The following PRMT8 variants were observed in gnomAD, a reference collection of about 807,000 sequenced individuals.
The protein encoded by PRMT8 is protein arginine methyltransferase 8, also known as protein arginine N-methyltransferase 8.
A neutral mutation model predicts 47.1 loss-of-function variants in PRMT8; 7 were observed. That is an observed-to-expected ratio of 0.15 (90% CI 0.08 to 0.28). The LOEUF is 0.28. Ranked by LOEUF, PRMT8 falls within the 10% of genes least tolerant of loss-of-function variation. The pLI, the probability that PRMT8 is intolerant of heterozygous loss-of-function variation, is 1.00. For synonymous variants in PRMT8, 188 were observed against 186.5 expected (o/e 1.01, Z -0.07); for missense variants, 237 against 505.4 (o/e 0.47, Z 5.09).
chr12:3,498,452 C>T (rs912288221), intron 1 of PRMT8, among the ~76,000 whole-genome samples: 1 of 152,308 alleles, frequency 6.6e-6, no homozygotes, highest in South Asian at 2.1e-4. Context: ...TCCAGGACGT[C>T]TTTTCTTGCT....
chr12:3,444,731 A>C (rs1565409249), intron 1 of PRMT8, among the ~76,000 whole-genome samples: 1 of 152,242 alleles, frequency 6.6e-6, no homozygotes, highest in Non-Finnish European at 1.5e-5. Flanking sequence ...AGAGTCAAAC[A>C]AGGAGAAAAC....
intron 4 of PRMT8, among the ~76,000 whole-genome samples, chr12:3,565,589 G>A (rs1483181923): frequency 1.3e-5 from 2 of 152,120 alleles, no homozygotes; most frequent in African/African-American, 4.8e-5. Flanking sequence ...GACTGTTGAG[G>A]ATTTTATAGG....
intron 4 of PRMT8, among the ~76,000 whole-genome samples, chr12:3,562,701 A>T (rs1430601522): frequency 6.6e-6 from 1 of 152,142 alleles, no homozygotes; most frequent in Non-Finnish European, 1.5e-5. Flanking sequence ...GGAAGTATTT[A>T]CACCACGGAC....
At chr12:3,568,582 C>T in intron 4 of PRMT8, 124 bp from the exon 5 acceptor site, 1 of 1,073,356 alleles carries the variant, frequency 9.3e-7, no homozygotes, top group East Asian at 2.5e-5. Flanking sequence ...GGGTGAGCTA[C>T]ATCATATCCT....
At chr12:3,485,355 A>T (rs1288063138) in intron 1 of PRMT8, among the ~76,000 whole-genome samples, 1 of 152,214 alleles carries the variant, frequency 6.6e-6, no homozygotes, top group Non-Finnish European at 1.5e-5. Flanking sequence ...GGAAAGGGAA[A>T]GATAATTAGA....
intron 1 of PRMT8, among the ~76,000 whole-genome samples, chr12:3,459,067 G>A (rs184868901): frequency 1.6e-4 from 24 of 152,326 alleles, no homozygotes; most frequent in Non-Finnish European, 2.9e-4. Flanking sequence ...TGATGGTGGG[G>A]CAATGGTTCC....
At chr12:3,554,232 G>C (rs546763005) in intron 4 of PRMT8, among the ~76,000 whole-genome samples, 1 of 152,290 alleles carries the variant, frequency 6.6e-6, no homozygotes, top group East Asian at 1.9e-4. Context: ...TTATAGAGAG[G>C]GGCGTCCCTT....
rs1410907909 is a variant in PRMT8, at chr12:3,456,128, G to A, written c.48+74686G>A. ...TAGCCCAACTCCTGGCCATGAGCTAGGTGCTAAGAGTGCTTTTCTTCCTCA... is the reference window on the plus strand; with the variant it reads ...TAGCCCAACTCCTGGCCATGAGCTAAGTGCTAAGAGTGCTTTTCTTCCTCA... On this transcript the variant is annotated intron_variant, in intron 1 of 9. Transcript: ENST00000452611. The surrounding 1 kb of genome is among the most constrained non-coding windows in gnomAD (Gnocchi z 4.2). Among the ~76,000 whole-genome samples the A allele has an allele frequency of 6.6e-6, 1 of 152,198 alleles. No homozygotes were observed. Among genetic ancestry groups the A allele is most frequent in the Non-Finnish European group, 1.5e-5 (1 of 68,038 alleles).
rs1452446837 is a variant in PRMT8, at chr12:3,535,501, C to G, written c.76-5105C>G. Among the ~76,000 whole-genome samples, 1 of 152,188 alleles carries G rather than the reference C, an allele frequency of 6.6e-6. No individual in the cohort carries two copies. The highest frequency in any genetic ancestry group is 2.4e-5 in the African/African-American group (1 of 41,450). On this transcript the variant is annotated intron_variant, in intron 1 of 9. Transcript: ENST00000382622. This position sits in a 1 kb window ranked among gnomAD's most constrained non-coding sequence, Gnocchi z 4.7. ...ACATCGGGAGACCTCCAGCAAGTAA[C>G]AGGGCCCTGGGCCTGGGCCTTTGGA...
intron 1 of PRMT8, among the ~76,000 whole-genome samples, chr12:3,411,686 G>A (rs1401542799): frequency 1.3e-5 from 2 of 152,156 alleles, no homozygotes; most frequent in African/African-American, 4.8e-5. Context: ...ATTAGATAAG[G>A]TCATCTTATC....
chr12:3,448,099 C>T (rs150411813), intron 1 of PRMT8, among the ~76,000 whole-genome samples: 13 of 152,166 alleles, frequency 8.5e-5, no homozygotes, highest in African/African-American at 1.7e-4. Flanking sequence ...TGGGCTCAAG[C>T]GATCCTCCAG....
intron 6 of PRMT8, among the ~76,000 whole-genome samples, chr12:3,573,108 G>A (rs1421011452): frequency 1.3e-5 from 2 of 151,916 alleles, no homozygotes; most frequent in Non-Finnish European, 2.9e-5. Flanking sequence ...CCTTCTTCAG[G>A]AACTCCCATT....
intron 1 of PRMT8, among the ~76,000 whole-genome samples, chr12:3,473,330 C>T (rs1565416535): frequency 6.6e-6 from 1 of 152,156 alleles, no homozygotes; most frequent in Non-Finnish European, 1.5e-5. Flanking sequence ...CTCCAGGCTT[C>T]TCCATGGGAT....
At position 3,540,613 on chromosome 12, in the gene PRMT8, G is replaced by GGCCCCCCCGCCCC; in HGVS notation, c.83_84insGCCCCCCCGCCCC (p.Ser28ArgfsTer18). 8.8e-7 allele frequency: 1 copy of GGCCCCCCCGCCCC among 1,130,520 alleles called. No homozygotes were observed. The highest frequency in any genetic ancestry group is 1.3e-6 in the Non-Finnish European group (1 of 752,490). The allele number at this position is 1,130,520 out of a possible 1,614,324, so 70.0% of individuals were successfully genotyped here. ...CCCTTCTCTTCCCCTCAGGTGAACA[G>GGCCCCCCCGCCCC]CCCCCCCTCCCAGCCCCCCCAGCCC... On this transcript the variant is annotated frameshift_variant, in exon 2 of 10. Transcript: ENST00000382622. LOFTEE classifies it high-confidence loss of function.
chr12:3,478,307 T>TCTATCTACCTAC (rs369719549), intron 1 of PRMT8, among the ~76,000 whole-genome samples: 48 of 135,720 alleles, frequency 3.5e-4, no homozygotes, highest in South Asian at 1.4e-3. Context: ...TATCTATCTA[T>TCTATCTACCTAC]CTACCTACCT....
chr12:3,540,613 G>GCCCCCCCGGC lies in PRMT8; in HGVS notation c.90_91insGGCCCCCCCC (p.Ser31GlyfsTer14). Reference sequence around the variant, plus strand: ...CCCTTCTCTTCCCCTCAGGTGAACAGCCCCCCCTCCCAGCCCCCCCAGCCC... The same window carrying GCCCCCCCGGC: ...CCCTTCTCTTCCCCTCAGGTGAACAGCCCCCCCGGCCCCCCCCTCCCAGCCCCCCCAGCCC... On this transcript the variant is annotated frameshift_variant, in exon 2 of 10. Coordinates refer to ENST00000382622, the MANE Select transcript of PRMT8 (RefSeq NM_019854.5). LOFTEE classifies it high-confidence loss of function. 1.8e-6 allele frequency: 2 copies of GCCCCCCCGGC among 1,130,522 alleles called. No individual in the cohort carries two copies. The highest frequency in any genetic ancestry group is 2.7e-6 in the Non-Finnish European group (2 of 752,492). 70.0% of individuals were successfully genotyped at this position (1,130,522 alleles called of 1,614,324 possible).
In PRMT8 at chr12:3,493,671, A is replaced by G. The variant is rs976463741; in HGVS notation, c.75+1971A>G. Among the ~76,000 whole-genome samples, 18 of 152,110 alleles carry G rather than the reference A, an allele frequency of 1.2e-4. No individual in the cohort carries two copies. The highest frequency in any genetic ancestry group is 3.9e-4 in the African/African-American group (16 of 41,482). ...CAGGCAGAGCGCCGCGCGCCAGTCT[A>G]TTTTTACTTGCTTCCCCCGCCGCTC... On this transcript the variant is annotated intron_variant, in intron 1 of 9. Coordinates refer to ENST00000382622, the MANE Select transcript of PRMT8 (RefSeq NM_019854.5). This position sits in a 1 kb window ranked among gnomAD's most constrained non-coding sequence, Gnocchi z 8.2.
At chr12:3,495,100 C>G (rs1445286198) in intron 1 of PRMT8, among the ~76,000 whole-genome samples, 1 of 152,182 alleles carries the variant, frequency 6.6e-6, no homozygotes. Flanking sequence ...AGCCTCCAGT[C>G]CCACTCTCCT....
intron 1 of PRMT8, among the ~76,000 whole-genome samples, chr12:3,384,995 C>A (rs925042255): frequency 3.0e-4 from 45 of 152,136 alleles, no homozygotes; most frequent in Admixed American, 1.3e-3. Flanking sequence ...TCATTGAGAG[C>A]CATTGGTTTA....
Sources: gnomAD v4.1 joint callset for allele counts (sites outside exome capture counted in the v4.1 genomes callset) on GRCh38, gnomAD v4.1.1 for gene constraint, Gnocchi (gnomAD v3.1) non-coding constraint, MANE v1.5 for transcripts, NCBI Gene and HGNC (gene_info 2026-07-23, HGNC 2026-07-21) for gene names.